Variants in HDAC4 observed in about 807,000 individuals in gnomAD.
The protein encoded by HDAC4 is histone deacetylase 4, also known as histone deacetylase A.
Under a neutral mutation model 135.1 loss-of-function variants are expected in HDAC4, and 16 were observed. That is an observed-to-expected ratio of 0.12 (90% CI 0.08 to 0.18). The LOEUF (loss-of-function observed/expected upper bound fraction) is 0.18, where lower values mean the gene tolerates loss of function less well. Among genes scored for constraint, HDAC4 ranks in the 10% least tolerant of loss-of-function variants. The pLI, the probability that HDAC4 is intolerant of heterozygous loss-of-function variation, is 1.00. For missense variants in HDAC4, 1,143 were observed against 1,511.8 expected (o/e 0.76, Z 4.05); for synonymous variants, 685 against 653.4 (o/e 1.05, Z -0.74).
intron 1 of HDAC4, among the ~76,000 whole-genome samples, chr2:239,368,298 C>T (rs957848315): frequency 1.3e-5 from 2 of 152,026 alleles, no homozygotes; most frequent in African/African-American, 4.8e-5. Flanking sequence ...ATGTGGGGCC[C>T]GCAGAGACAC....
rs767141125 is a variant in HDAC4 at position 239,189,998 on chromosome 2, T to G, written c.174A>C (p.Ser58=). Residue 58 remains serine, a synonymous_variant, in exon 4 of 27, where the codon TCA becomes TCC. Coordinates refer to ENST00000543185, the MANE Select transcript of HDAC4 (RefSeq NM_001378414.1). ...GCAGGGCCGGCTCTGCCACAGGCAG[T>G]GAGAACTGGTGGTCCAGGCGCAGGT... ...PMDLRLDHQF[S]LPVAEPALRE... The G allele has an allele frequency of 6.2e-7, 1 of 1,606,048 alleles. No individual in the cohort carries two copies. The highest frequency in any genetic ancestry group is 1.3e-5 in the African/African-American group (1 of 74,844).
intron 21 of HDAC4, 148 bp from the exon 22 acceptor site, chr2:239,081,340 C>G: frequency 1.4e-6 from 1 of 706,210 alleles, no homozygotes; most frequent in Non-Finnish European, 2.5e-6. Flanking sequence ...GGTGCATATT[C>G]ATTAAGACGC....
chr2:239,144,842 G>A (rs982145662), intron 7 of HDAC4, 128 bp from the exon 8 acceptor site: 13 of 935,466 alleles, frequency 1.4e-5, no homozygotes, highest in African/African-American at 6.5e-5. Flanking sequence ...TGTTGCTGCA[G>A]GGGAGAGCGC....
At chr2:239,237,799 G>A (rs770225183) in intron 2 of HDAC4, among the ~76,000 whole-genome samples, 3 of 152,134 alleles carry the variant, frequency 2.0e-5, no homozygotes, top group African/African-American at 7.2e-5. Flanking sequence ...GAGATCAAAC[G>A]TGGGTGCCAG....
Position 239,134,320 on chromosome 2 carries a change from C to G in HDAC4, c.1219G>C (p.Gly407Arg), listed in dbSNP as rs1368130635. Reference sequence around the variant, plus strand: ...TGCAGAAGAGGGCTGTGCGCTGCCCCTCCGTCCCGCTCCAAGGGCGAGGTG... The same window carrying G: ...TGCAGAAGAGGGCTGTGCGCTGCCCGTCCGTCCCGCTCCAAGGGCGAGGTG... The part of the protein sequence containing the change: ...LSTSPLERDG[G>R]AAHSPLLQHM... Residue 407 changes from glycine to arginine, a missense_variant, in exon 11 of 27, where the codon GGG becomes CGG. Coordinates refer to ENST00000543185, the MANE Select transcript of HDAC4 (RefSeq NM_001378414.1). 4 of 1,613,852 alleles carry G rather than the reference C, an allele frequency of 2.5e-6. No individual in the cohort carries two copies. The highest frequency in any genetic ancestry group is 3.4e-6 in the Non-Finnish European group (4 of 1,180,024).
chr2:239,245,171 T>C lies in HDAC4; in HGVS notation c.23-8507A>G, dbSNP rs951913951. 2.6e-5 allele frequency among the ~76,000 whole-genome samples: 4 copies of C among 152,230 alleles called. No homozygotes were observed. The highest frequency in any genetic ancestry group is 9.6e-5 in the African/African-American group (4 of 41,454). On this transcript the variant is annotated intron_variant, in intron 2 of 26. Transcript: ENST00000543185. This position sits in a 1 kb window ranked among gnomAD's most constrained non-coding sequence, Gnocchi z 4.4. ...AGGGTAATCAGGCAGTCTTAAAATG[T>C]CAAGGATAACCTAAGAAGTATTCCT...
At chr2:239,261,209 C>G (rs2049344284) in intron 2 of HDAC4, among the ~76,000 whole-genome samples, 1 of 152,130 alleles carries the variant, frequency 6.6e-6, no homozygotes, top group Admixed American at 6.5e-5. Context: ...TAAAGGCAAA[C>G]AGAAAATCAA....
At position 239,068,914 on chromosome 2, in the gene HDAC4, G is replaced by A. The variant is rs1327467641; in HGVS notation, c.2751-307C>T. ...GCCCCACTGCACTTGCTTGGTGAGA[G>A]GGAGTCACGGTGCAAGCCAGCAAGC... On this transcript the variant is annotated intron_variant, in intron 22 of 26. Coordinates refer to ENST00000543185, the MANE Select transcript of HDAC4 (RefSeq NM_001378414.1). The surrounding 1 kb of genome is among the most constrained non-coding windows in gnomAD (Gnocchi z 4.4). 2 of 294,020 alleles carry A rather than the reference G, an allele frequency of 6.8e-6. No homozygotes were observed. The highest frequency in any genetic ancestry group is 6.3e-5 in the African/African-American group (2 of 31,826). 18.2% of individuals were successfully genotyped at this position (294,020 alleles called of 1,614,324 possible). A position where few individuals can be genotyped will look rare whatever the true frequency, so the allele number is the denominator to read the frequency against.
intron 2 of HDAC4, among the ~76,000 whole-genome samples, chr2:239,255,998 CTA>C (rs1461551628): frequency 5.9e-5 from 9 of 152,240 alleles, no homozygotes; most frequent in African/African-American, 2.2e-4. Flanking sequence ...ATAAACCACT[CTA>C]TGCAAATACT....
intron 21 of HDAC4, 149 bp from the exon 22 acceptor site, chr2:239,081,341 A>G: frequency 1.4e-6 from 1 of 706,740 alleles, no homozygotes; most frequent in Non-Finnish European, 2.5e-6. Context: ...GTGCATATTC[A>G]TTAAGACGCG....
intron 1 of HDAC4, among the ~76,000 whole-genome samples, chr2:239,372,262 C>T (rs748409862): frequency 6.6e-6 from 1 of 152,226 alleles, no homozygotes; most frequent in African/African-American, 2.4e-5. Context: ...GGCCCTCAAG[C>T]CGGCACTGGA....
Position 239,176,372 on chromosome 2 carries a change from G to A in HDAC4, c.490+41C>T, listed in dbSNP as rs56211861. On this transcript the variant is annotated intron_variant, in intron 5 of 26. Coordinates refer to ENST00000543185, the MANE Select transcript of HDAC4 (RefSeq NM_001378414.1). The stretch of plus-strand genomic sequence containing the variant: ...CGTGCCCGCACCCCTCCCTCTGCCC[G>A]GCCTCCCTCCCTCTGCCTGGCCTTC... 68,578 of 1,337,972 alleles carry A rather than the reference G, an allele frequency of 0.051. 8,975 individuals are homozygous for A. The highest frequency in any genetic ancestry group is 0.12 in the East Asian group (4,636 of 38,460). The allele number at this position is 1,337,972 out of a possible 1,614,324, so 82.9% of individuals were successfully genotyped here. A position where few individuals can be genotyped will look rare whatever the true frequency, so the allele number is the denominator to read the frequency against.
chr2:239,185,402 G>A (rs540594154), intron 4 of HDAC4, among the ~76,000 whole-genome samples: 119 of 151,672 alleles, frequency 7.8e-4, no homozygotes, highest in African/African-American at 2.8e-3. Flanking sequence ...ACGCCTCCTG[G>A]GGAGAGGTGT....
At chr2:239,126,308 G>A in intron 12 of HDAC4, 148 bp downstream of exon 12, 8 of 1,329,712 alleles carry the variant, frequency 6.0e-6, no homozygotes, top group Non-Finnish European at 8.3e-6. Context: ...GCTCTGTGCT[G>A]TGGGCCAGAG....
chr2:239,199,943 T>C (rs1487210023), intron 3 of HDAC4, among the ~76,000 whole-genome samples: 1 of 152,156 alleles, frequency 6.6e-6, no homozygotes, highest in Non-Finnish European at 1.5e-5. Context: ...TTTCACCGTG[T>C]TGGCCAGGAT....
chr2:239,081,333 G>A (rs1574945797), intron 21 of HDAC4, 141 bp from the exon 22 acceptor site: 1 of 722,720 alleles, frequency 1.4e-6, no homozygotes, highest in Non-Finnish European at 2.5e-6. Context: ...ATCTCCTGGT[G>A]CATATTCATT....
At chr2:239,149,793 C>T (rs987119905) in intron 7 of HDAC4, among the ~76,000 whole-genome samples, 2 of 152,194 alleles carry the variant, frequency 1.3e-5, no homozygotes, top group Non-Finnish European at 2.9e-5. Flanking sequence ...CCAACAGGCT[C>T]GCCATCTTCA....
chr2:239,347,825 T>C (rs1692821883), intron 2 of HDAC4, among the ~76,000 whole-genome samples: 1 of 152,160 alleles, frequency 6.6e-6, no homozygotes, highest in South Asian at 2.1e-4. Flanking sequence ...ACTTATTTTG[T>C]TTTGAACTAA....
At chr2:239,344,513 G>C (rs1692492327) in intron 2 of HDAC4, among the ~76,000 whole-genome samples, 2 of 151,786 alleles carry the variant, frequency 1.3e-5, no homozygotes, top group South Asian at 4.2e-4. Flanking sequence ...ATTTTTAAAA[G>C]ACAAAACACA....
Sources: gnomAD v4.1 joint callset for allele counts (sites outside exome capture counted in the v4.1 genomes callset) on GRCh38, gnomAD v4.1.1 for gene constraint, Gnocchi (gnomAD v3.1) non-coding constraint, MANE v1.5 for transcripts, NCBI Gene and HGNC (gene_info 2026-07-23, HGNC 2026-07-21) for gene names.